The following TANC2 variants were observed in gnomAD, a reference collection of about 807,000 sequenced individuals.
TANC2 encodes the protein tetratricopeptide repeat, ankyrin repeat and coiled-coil containing 2.
TANC2 carries 26 observed loss-of-function variants against 210.5 expected under a neutral mutation model. The ratio of observed to expected loss-of-function variants is 0.12; its 90% CI spans 0.09 to 0.17. The LOEUF (loss-of-function observed/expected upper bound fraction) is 0.17, where lower values mean the gene tolerates loss of function less well. TANC2 is among the 10% of genes least tolerant of loss of function. TANC2 has a pLI of 1.00. For missense variants in TANC2, 2,129 were observed against 2,608.9 expected (o/e 0.82, Z 4.01); for synonymous variants, 931 against 967.1 (o/e 0.96, Z 0.69).
At chr17:63,402,494 C>T (rs1385604839) in intron 19 of TANC2, among the ~76,000 whole-genome samples, 10 of 152,288 alleles carry the variant, frequency 6.6e-5, no homozygotes, top group Middle Eastern at 3.4e-3. Flanking sequence ...CCCTCCTACC[C>T]GACCCCTTGA....
intron 7 of TANC2, among the ~76,000 whole-genome samples, chr17:63,237,346 G>A (rs2042648558): frequency 6.6e-6 from 1 of 151,934 alleles, no homozygotes; most frequent in Non-Finnish European, 1.5e-5. Flanking sequence ...AGTTGTTTGA[G>A]TTCCTTGTAT....
At chr17:63,050,514 A>G (rs2035546152) in intron 2 of TANC2, among the ~76,000 whole-genome samples, 1 of 152,320 alleles carries the variant, frequency 6.6e-6, no homozygotes. Flanking sequence ...AACCAATGGA[A>G]TATATATGGC....
intron 8 of TANC2, among the ~76,000 whole-genome samples, chr17:63,255,145 C>G (rs1199179828): frequency 6.6e-6 from 1 of 151,302 alleles, no homozygotes; most frequent in African/African-American, 2.4e-5. Context: ...CACTCTGTCC[C>G]CCAGGCTGGA....
chr17:63,009,795 A>G (rs2033785500), intron 2 of TANC2, among the ~76,000 whole-genome samples, 169 bp downstream of exon 2: 1 of 152,218 alleles, frequency 6.6e-6, no homozygotes, highest in Non-Finnish European at 1.5e-5. Context: ...GAACACTTGA[A>G]TGCGTATCAG....
At chr17:63,238,899 C>A (rs2042695934) in intron 8 of TANC2, among the ~76,000 whole-genome samples, 1 of 152,082 alleles carries the variant, frequency 6.6e-6, no homozygotes, top group African/African-American at 2.4e-5. Context: ...TGAGAACTAC[C>A]TCACTATCAC....
intron 3 of TANC2, among the ~76,000 whole-genome samples, chr17:63,094,697 A>T (rs984330799): frequency 2.6e-5 from 4 of 152,198 alleles, no homozygotes; most frequent in Non-Finnish European, 5.9e-5. Flanking sequence ...ACCTCGTGAT[A>T]ACTGAAATTT....
intron 7 of TANC2, among the ~76,000 whole-genome samples, chr17:63,207,211 C>CTTTTTTTTT (rs948663767): frequency 8.8e-6 from 1 of 113,806 alleles, no homozygotes; most frequent in East Asian, 2.3e-4. Context: ...TTTTTTTTTC[C>CTTTTTTTTT]TTTTTTTTTT....
chr17:63,419,205 GTGA>G (rs2048952442), intron 27 of TANC2, among the ~76,000 whole-genome samples: 1 of 152,174 alleles, frequency 6.6e-6, no homozygotes, highest in South Asian at 2.1e-4. Context: ...CTTGAGGCTA[GTGA>G]TGGTGGTGGC....
chr17:63,115,173 A>G (rs552211375), intron 4 of TANC2, among the ~76,000 whole-genome samples: 1 of 152,332 alleles, frequency 6.6e-6, no homozygotes, highest in South Asian at 2.1e-4. Flanking sequence ...TACTGGCACA[A>G]GACAATATTT....
chr17:63,170,210 G>C (rs559135644), intron 5 of TANC2, among the ~76,000 whole-genome samples: 5 of 151,220 alleles, frequency 3.3e-5, no homozygotes, highest in Non-Finnish European at 7.4e-5. Flanking sequence ...GGCAGATCAC[G>C]AGTCAGGAGA....
chr17:63,222,827 C>T (rs748438162), intron 7 of TANC2, among the ~76,000 whole-genome samples: 1 of 152,048 alleles, frequency 6.6e-6, no homozygotes, highest in African/African-American at 2.4e-5. Flanking sequence ...CAAACAGATA[C>T]TACATGAATG....
chr17:63,415,739 A>G, intron 26 of TANC2, 65 bp downstream of exon 26: 1 of 1,557,152 alleles, frequency 6.4e-7, no homozygotes. Flanking sequence ...GTCACTCACT[A>G]GCTTTTACCA....
In TANC2 at chr17:63,224,461, A is replaced by G. The variant is rs956864486; in HGVS notation, c.770-13353A>G. On this transcript the variant is annotated intron_variant, in intron 7 of 27. Coordinates refer to ENST00000689528, the Ensembl canonical transcript of TANC2. ...GAGACGAGGTTTCACCGTGTTGGCC[A>G]CGGTGGTCTCAAACTCCTGACTTCA... 3.9e-5 allele frequency among the ~76,000 whole-genome samples: 6 copies of G among 151,958 alleles called. No individual in the cohort carries two copies. The South Asian group carries it at 1.0e-3, about 26-fold the overall frequency.
At chr17:63,395,606 A>C in intron 17 of TANC2, 137 bp from the exon 18 acceptor site, 1 of 709,924 alleles carries the variant, frequency 1.4e-6, no homozygotes, top group Non-Finnish European at 2.4e-6. Flanking sequence ...GAGTCTCCTG[A>C]ATTTGCTCAG....
intron 4 of TANC2, among the ~76,000 whole-genome samples, chr17:63,119,263 A>G (rs778171636): frequency 1.1e-4 from 17 of 152,232 alleles, no homozygotes; most frequent in Non-Finnish European, 2.1e-4. Context: ...TGGAAAATAT[A>G]TACGTCAGTG....
chr17:63,004,362 C>A (rs992612097), intron 1 of TANC2, among the ~76,000 whole-genome samples: 1 of 151,980 alleles, frequency 6.6e-6, no homozygotes, highest in Non-Finnish European at 1.5e-5. Flanking sequence ...GAGAAGAGGA[C>A]GTAAGAATGA....
chr17:63,344,115 C>T (rs2046324895), intron 12 of TANC2, among the ~76,000 whole-genome samples: 2 of 152,184 alleles, frequency 1.3e-5, no homozygotes, highest in Non-Finnish European at 2.9e-5. Context: ...GCTCCGCCTT[C>T]TGTCAGATCA....
chr17:63,184,820 A>C (rs2040920242), intron 5 of TANC2, among the ~76,000 whole-genome samples: 1 of 149,536 alleles, frequency 6.7e-6, no homozygotes, highest in Non-Finnish European at 1.5e-5. Flanking sequence ...CACCCGGCTA[A>C]ATTTTTTTGT....
intron 7 of TANC2, among the ~76,000 whole-genome samples, chr17:63,209,819 A>G (rs187343445): frequency 5.7e-4 from 87 of 152,216 alleles, no homozygotes; most frequent in African/African-American, 2.1e-3. Flanking sequence ...TAAAATGTTT[A>G]TTTCCAGTTT....
Sources: allele counts gnomAD v4.1 joint callset (sites outside exome capture counted in the v4.1 genomes callset), GRCh38; gene constraint gnomAD v4.1.1; transcripts MANE v1.5; gene names NCBI Gene and HGNC (gene_info 2026-07-23, HGNC 2026-07-21).